Variants in IL19 observed in about 807,000 individuals in gnomAD.
The protein encoded by IL19 is interleukin 19.
IL19 carries 15 observed loss-of-function variants against 19.5 expected under a neutral mutation model. That is an observed-to-expected ratio of 0.77 (90% confidence interval 0.52 to 1.19). IL19 has a LOEUF of 1.19. IL19 is among the 50% of genes most tolerant of loss of function. The probability of loss-of-function intolerance (pLI) is 0.00; values close to 1 mark genes in which losing one functional copy is unlikely to be tolerated. For synonymous variants in IL19, 78 were observed against 78.3 expected, an observed-to-expected ratio of 1.00 and a Z score of 0.02; for missense variants, 199 against 213.1, an observed-to-expected ratio of 0.93 and a Z score of 0.41.
intron 2 of IL19, among the ~76,000 whole-genome samples, chr1:206,802,251 TA>T (rs1675731844): frequency 6.6e-6 from 1 of 152,140 alleles, no homozygotes; most frequent in African/African-American, 2.4e-5. Context: ...ACACATGGCT[TA>T]TTGGGGCCCT....
intron 1 of IL19, among the ~76,000 whole-genome samples, chr1:206,790,845 A>G (rs1417842811): frequency 6.6e-6 from 1 of 152,216 alleles, no homozygotes; most frequent in Non-Finnish European, 1.5e-5. Flanking sequence ...ACATGCCTCA[A>G]CCTAAGGCAG....
At chr1:206,795,927 A>ATATATGTGTGTGTGTG (rs1553439245) in intron 1 of IL19, among the ~76,000 whole-genome samples, 11 of 133,532 alleles carry the variant, frequency 8.2e-5, no homozygotes, top group Admixed American at 3.0e-4. Context: ...AAATATATAT[A>ATATATGTGTGTGTGTG]TGTGTGTGTG....
intron 2 of IL19, among the ~76,000 whole-genome samples, chr1:206,825,306 C>T (rs889626408): frequency 2.0e-5 from 3 of 152,216 alleles, no homozygotes; most frequent in South Asian, 4.1e-4. Flanking sequence ...TACTCTGGCA[C>T]TTAAAATGTG....
At position 206,828,388 on chromosome 1, in the gene IL19, A is replaced by G. The variant is rs185931804; in HGVS notation, c.-2-8273A>G. 2.1e-4 allele frequency among the ~76,000 whole-genome samples: 32 copies of G among 152,338 alleles called. No homozygotes were observed. In the East Asian group the frequency reaches 4.0e-3, roughly 19 times the overall value. On this transcript the variant is annotated intron_variant, in intron 2 of 6. Coordinates refer to ENST00000659997, the MANE Select transcript of IL19 (RefSeq NM_153758.5). ...GTTTCTTATAAGCAGAGATGTTCCT[A>G]AAGGACAGGGGTTCCTCCTCCTGCT...
chr1:206,832,480 G>A (rs1240179210), intron 2 of IL19, among the ~76,000 whole-genome samples: 2 of 152,152 alleles, frequency 1.3e-5, no homozygotes, highest in Non-Finnish European at 2.9e-5. Context: ...TCTGAGCAAG[G>A]CAGAGAGGGT....
chr1:206,798,312 CCA>C (rs1390648768), intron 1 of IL19, among the ~76,000 whole-genome samples: 3 of 152,252 alleles, frequency 2.0e-5, no homozygotes, highest in Non-Finnish European at 4.4e-5. Context: ...GTGTGCAAGC[CCA>C]CACTACAGCC....
At chr1:206,783,705 CT>C (rs921939487) in intron 1 of IL19, among the ~76,000 whole-genome samples, 1 of 152,196 alleles carries the variant, frequency 6.6e-6, no homozygotes, top group Non-Finnish European at 1.5e-5. Flanking sequence ...TGTGCTCTGT[CT>C]TTGGGCTTGT....
chr1:206,784,272 T>C (rs1197491588), intron 1 of IL19, among the ~76,000 whole-genome samples: 1 of 152,148 alleles, frequency 6.6e-6, no homozygotes, highest in African/African-American at 2.4e-5. Context: ...CCAAAGCTAA[T>C]GCCCTTAAAT....
chr1:206,770,875 G>A lies in IL19; in HGVS notation c.-352G>A, dbSNP rs1306998729. Reference sequence around the variant, plus strand: ...TGTAGGAGATGGTATTTTGGGGGCAGCTGCAAGGGAAAAAACTGATCTGCT... The same window carrying A: ...TGTAGGAGATGGTATTTTGGGGGCAACTGCAAGGGAAAAAACTGATCTGCT... On this transcript the variant is annotated 5_prime_UTR_variant, in exon 1 of 7. Transcript: ENST00000659997. 9 of 1,610,218 alleles carry A rather than the reference G, an allele frequency of 5.6e-6. No homozygotes were observed. Among genetic ancestry groups the A allele is most frequent in the Non-Finnish European group, 6.8e-6 (8 of 1,176,386 alleles).
At chr1:206,810,337 G>A (rs1366790380) in intron 2 of IL19, among the ~76,000 whole-genome samples, 1 of 152,142 alleles carries the variant, frequency 6.6e-6, no homozygotes, top group African/African-American at 2.4e-5. Flanking sequence ...GGTGGCATAT[G>A]TTCAATAAGG....
intron 1 of IL19, among the ~76,000 whole-genome samples, chr1:206,775,160 C>T (rs535725042): frequency 7.6e-4 from 115 of 152,140 alleles, no homozygotes; most frequent in Admixed American, 2.0e-3. Context: ...CCTGCCTCAG[C>T]GTCCCGAGTA....
At chr1:206,802,058 A>C (rs1352862389) in intron 2 of IL19, among the ~76,000 whole-genome samples, 1 of 152,224 alleles carries the variant, frequency 6.6e-6, no homozygotes. Context: ...AGGCTGCAGC[A>C]CAGGGGGCTC....
chr1:206,783,628 T>G (rs1198507281), intron 1 of IL19, among the ~76,000 whole-genome samples: 1 of 152,198 alleles, frequency 6.6e-6, no homozygotes, highest in East Asian at 1.9e-4. Flanking sequence ...TGGAAGTGCC[T>G]TCCCCACTTT....
intron 2 of IL19, among the ~76,000 whole-genome samples, chr1:206,827,705 CAAAACAAAA>C: frequency 3.3e-5 from 1 of 29,952 alleles, no homozygotes; most frequent in African/African-American, 9.7e-5. Flanking sequence ...CAAAACAAAA[CAAAACAAAA>C]AAAACAAAAA....
chr1:206,825,505 GA>G (rs1676405094), intron 2 of IL19, among the ~76,000 whole-genome samples: 1 of 152,084 alleles, frequency 6.6e-6, no homozygotes, highest in South Asian at 2.1e-4. Flanking sequence ...AACCCTAGAC[GA>G]AAAAAGACTG....
chr1:206,775,101 C>T (rs1351368494), intron 1 of IL19, among the ~76,000 whole-genome samples: 1 of 151,578 alleles, frequency 6.6e-6, no homozygotes, highest in Non-Finnish European at 1.5e-5. Flanking sequence ...AGTGCAGTGG[C>T]ATGATCTCAG....
At chr1:206,840,481 G>C (rs1255004606) in intron 5 of IL19, 2 of 256,638 alleles carry the variant, frequency 7.8e-6, no homozygotes, top group African/African-American at 4.5e-5. Context: ...AGAGAACCTG[G>C]GCTCTAGCCC....
chr1:206,794,394 C>T (rs1417975351), intron 1 of IL19, among the ~76,000 whole-genome samples: 1 of 152,152 alleles, frequency 6.6e-6, no homozygotes, highest in Non-Finnish European at 1.5e-5. Flanking sequence ...TCACCTGTTC[C>T]ATGACTCCTG....
At chr1:206,827,180 A>G (rs1178722771) in intron 2 of IL19, among the ~76,000 whole-genome samples, 1 of 152,198 alleles carries the variant, frequency 6.6e-6, no homozygotes, top group South Asian at 2.1e-4. Flanking sequence ...CTCTTTATAG[A>G]AAATAACAGT....
Sources: allele counts gnomAD v4.1 joint callset (sites outside exome capture counted in the v4.1 genomes callset), GRCh38; gene constraint gnomAD v4.1.1; transcripts MANE v1.5; gene names NCBI Gene and HGNC (gene_info 2026-07-23, HGNC 2026-07-21).